The following MYO1E variants were observed in gnomAD, a reference collection of about 807,000 sequenced individuals.
MYO1E encodes the protein unconventional myosin-Ie.
Under a neutral mutation model 151.1 loss-of-function variants are expected in MYO1E, and 68 were observed. The ratio of observed to expected loss-of-function variants is 0.45; its 90% CI spans 0.37 to 0.55. MYO1E has a LOEUF of 0.55. MYO1E is among the 20% of genes least tolerant of loss of function. The pLI is 0.00. For missense variants in MYO1E, 1,363 were observed against 1,389.3 expected, an observed-to-expected ratio of 0.98 and a Z score of 0.30; for synonymous variants, 601 against 501.7, an observed-to-expected ratio of 1.20 and a Z score of -2.64.
Position 59,178,458 on chromosome 15 carries a change from C to T in MYO1E, c.1984G>A (p.Val662Ile), listed in dbSNP as rs1396413139. Residue 662 changes from valine (V) to isoleucine (I), a missense_variant, in exon 19 of 28, where the codon GTC becomes ATC. Val to Ile is a conservative substitution (Grantham distance 29). Coordinates refer to ENST00000288235, the MANE Select transcript of MYO1E (RefSeq NM_004998.4). ...TGGAACTGGTCGCTGTCCATGTTGA[C>T]CGACTGCAGCAGGTGCAGGACGCCT... Reference protein sequence around the residue: ...KQGVLHLLQSVNMDSDQFQLG... With the variant: ...KQGVLHLLQSINMDSDQFQLG... 6.2e-7 allele frequency: 1 copy of T among 1,614,104 alleles called. No individual in the cohort carries two copies. The highest frequency in any genetic ancestry group is 2.2e-5 in the East Asian group (1 of 44,894).
intron 1 of MYO1E, among the ~76,000 whole-genome samples, chr15:59,364,646 T>G (rs1310483837): frequency 1.3e-5 from 2 of 152,158 alleles, no homozygotes; most frequent in African/African-American, 4.8e-5. Flanking sequence ...TGGTGGCTCA[T>G]GCCTATAATC....
chr15:59,305,414 C>T (rs544169991), intron 1 of MYO1E, among the ~76,000 whole-genome samples: 43 of 152,160 alleles, frequency 2.8e-4, no homozygotes, highest in Non-Finnish European at 4.7e-4. Context: ...AGGCTGGTCT[C>T]GAACTCCTGA....
At chr15:59,343,934 G>C (rs2080779810) in intron 1 of MYO1E, among the ~76,000 whole-genome samples, 2 of 152,102 alleles carry the variant, frequency 1.3e-5, no homozygotes, top group South Asian at 4.2e-4. Flanking sequence ...CCTTGAATTT[G>C]AGTTTCCTCA....
intron 27 of MYO1E, among the ~76,000 whole-genome samples, chr15:59,137,959 G>T (rs76569455): frequency 6.6e-6 from 1 of 152,108 alleles, no homozygotes; most frequent in Admixed American, 6.5e-5. Flanking sequence ...TGCTGCTGCC[G>T]TTTTGCTACC....
intron 8 of MYO1E, among the ~76,000 whole-genome samples, chr15:59,223,848 T>C: frequency 6.6e-6 from 1 of 152,212 alleles, no homozygotes; most frequent in South Asian, 2.1e-4. Context: ...AGGACCAGTG[T>C]GCAGACTCCT....
chr15:59,294,796 C>T (rs1326938788), intron 1 of MYO1E, among the ~76,000 whole-genome samples: 1 of 152,204 alleles, frequency 6.6e-6, no homozygotes, highest in Non-Finnish European at 1.5e-5. Context: ...CCCACAATGC[C>T]TCATGCTCCT....
intron 25 of MYO1E, among the ~76,000 whole-genome samples, chr15:59,154,772 C>T (rs975825893): frequency 6.6e-6 from 1 of 152,196 alleles, no homozygotes; most frequent in Non-Finnish European, 1.5e-5. Context: ...GGTCCAGAAT[C>T]TGCTTGGTGG....
chr15:59,252,126 AAATT>A (rs1460448256), intron 4 of MYO1E, among the ~76,000 whole-genome samples: 6 of 152,332 alleles, frequency 3.9e-5, no homozygotes, highest in African/African-American at 1.2e-4. Flanking sequence ...GAAATCTTAA[AAATT>A]AATTGAAAAC....
At chr15:59,177,813 C>G (rs2079633951) in intron 19 of MYO1E, among the ~76,000 whole-genome samples, 1 of 152,172 alleles carries the variant, frequency 6.6e-6, no homozygotes, top group Non-Finnish European at 1.5e-5. Flanking sequence ...TTCTATAAAC[C>G]AGAGATTTCT....
At chr15:59,174,269 C>G (rs971332878) in intron 19 of MYO1E, 29 bp from the exon 20 acceptor site, 2 of 1,446,654 alleles carry the variant, frequency 1.4e-6, no homozygotes, top group African/African-American at 2.8e-5. Context: ...CAAATGTGAG[C>G]CAAGCCCCAA....
intron 12 of MYO1E, among the ~76,000 whole-genome samples, chr15:59,213,914 CCA>C (rs1289555843): frequency 6.6e-6 from 1 of 152,196 alleles, no homozygotes; most frequent in African/African-American, 2.4e-5. Flanking sequence ...ACAATATTTG[CCA>C]CAGACAGTCG....
At chr15:59,140,247 C>T (rs775850171) in intron 26 of MYO1E, among the ~76,000 whole-genome samples, 7 of 152,172 alleles carry the variant, frequency 4.6e-5, no homozygotes, top group Admixed American at 1.3e-4. Context: ...AGTTATTCTT[C>T]CTATATACTA....
intron 26 of MYO1E, among the ~76,000 whole-genome samples, chr15:59,151,442 A>ACCCCCCC (rs1253140347): frequency 6.8e-6 from 1 of 147,598 alleles, no homozygotes; most frequent in African/African-American, 2.5e-5. Context: ...CAAACAAAAA[A>ACCCCCCC]CCCCCCCCAA....
At chr15:59,337,838 G>GA (rs75190412) in intron 1 of MYO1E, among the ~76,000 whole-genome samples, 3,469 of 150,576 alleles carry the variant, frequency 0.023, 131 homozygotes, top group African/African-American at 0.078. Context: ...TCTCAAAAAA[G>GA]AAAAAAAAAT....
intron 9 of MYO1E, 41 bp downstream of exon 9, chr15:59,223,018 A>G (rs2079965578): frequency 1.2e-6 from 2 of 1,612,662 alleles, no homozygotes; most frequent in Non-Finnish European, 1.7e-6. Flanking sequence ...AATCAGAGCT[A>G]GCCACCCCTC....
chr15:59,371,727 C>T (rs957534532), intron 1 of MYO1E, among the ~76,000 whole-genome samples: 2 of 152,306 alleles, frequency 1.3e-5, no homozygotes, highest in East Asian at 1.9e-4. Context: ...AGCCCCGATC[C>T]CCTCGCGCTT....
At chr15:59,318,641 T>G (rs1458954307) in intron 1 of MYO1E, among the ~76,000 whole-genome samples, 2 of 152,136 alleles carry the variant, frequency 1.3e-5, no homozygotes, top group African/African-American at 2.4e-5. Flanking sequence ...TTTACTGCAG[T>G]TTGGGGGTAG....
chr15:59,204,998 G>C (rs548303785), intron 15 of MYO1E, among the ~76,000 whole-genome samples: 1 of 152,160 alleles, frequency 6.6e-6, no homozygotes, highest in Non-Finnish European at 1.5e-5. Flanking sequence ...TTGGAATTTG[G>C]GGGCATGAAG....
At chr15:59,295,518 A>T (rs1596404640) in intron 1 of MYO1E, among the ~76,000 whole-genome samples, 1 of 152,380 alleles carries the variant, frequency 6.6e-6, no homozygotes, top group South Asian at 2.1e-4. Context: ...AATCTCCATC[A>T]GAGGGTGCAG....
Sources: gnomAD v4.1 joint callset for allele counts (sites outside exome capture counted in the v4.1 genomes callset) on GRCh38, gnomAD v4.1.1 for gene constraint, MANE v1.5 for transcripts, NCBI Gene and HGNC (gene_info 2026-07-23, HGNC 2026-07-21) for gene names.